AFG2A: variants seen among roughly 807,000 people sequenced by gnomAD.
AFG2A encodes the protein AAA ATPase AFG2A, also known as ATPase family gene 2 protein homolog A.
At chr4:123,143,831 C>CTTTTTT in the AFG2A span, among the ~76,000 whole-genome samples, 1 of 133,608 alleles carries the variant, frequency 7.5e-6, no homozygotes, top group African/African-American at 2.8e-5. Flanking sequence ...ACTTCTCTCT[C>CTTTTTT]TTTTTTTTTT....
the AFG2A span, among the ~76,000 whole-genome samples, chr4:123,096,401 A>G: frequency 3.9e-5 from 6 of 152,150 alleles, 1 homozygote. Context: ...CCCAAATAAT[A>G]GTTAAATGCC....
the AFG2A span, among the ~76,000 whole-genome samples, chr4:123,224,366 C>G: frequency 2.0e-5 from 3 of 152,076 alleles, no homozygotes; most frequent in East Asian, 1.9e-4. Context: ...CACCCTCCCC[C>G]CATCCCACAA....
At chr4:123,061,301 T>C in the AFG2A span, among the ~76,000 whole-genome samples, 1 of 152,194 alleles carries the variant, frequency 6.6e-6, no homozygotes, top group Non-Finnish European at 1.5e-5. Context: ...AGCACCCCAC[T>C]CTACCGTTAC....
At chr4:123,046,253 T>G in the AFG2A span, among the ~76,000 whole-genome samples, 1 of 152,212 alleles carries the variant, frequency 6.6e-6, no homozygotes, top group Non-Finnish European at 1.5e-5. Flanking sequence ...GTTGCACCAG[T>G]TTGGCTAGCA....
At chr4:123,041,995 G>T in the AFG2A span, among the ~76,000 whole-genome samples, 1 of 152,120 alleles carries the variant, frequency 6.6e-6, no homozygotes, top group African/African-American at 2.4e-5. Flanking sequence ...GTGGAAGCTG[G>T]ATTCTGTCAG....
the AFG2A span, among the ~76,000 whole-genome samples, chr4:123,077,120 T>C: frequency 6.8e-6 from 1 of 147,672 alleles, no homozygotes; most frequent in Non-Finnish European, 1.5e-5. Context: ...CGATCTCAGC[T>C]CACTGCAAGC....
the AFG2A span, among the ~76,000 whole-genome samples, chr4:123,161,434 G>C: frequency 2.6e-5 from 4 of 152,090 alleles, no homozygotes; most frequent in Admixed American, 6.6e-5. Context: ...ACTAAGTCTT[G>C]GGGAAGAAAG....
chr4:122,987,738 C>T, the AFG2A span, among the ~76,000 whole-genome samples: 1 of 152,118 alleles, frequency 6.6e-6, no homozygotes, highest in African/African-American at 2.4e-5. Flanking sequence ...TTACTGATGT[C>T]ACGTTTTGCA....
the AFG2A span, among the ~76,000 whole-genome samples, chr4:122,990,802 T>G: frequency 2.0e-5 from 3 of 152,342 alleles, no homozygotes; most frequent in Admixed American, 1.3e-4. Context: ...TTGCGCAGAC[T>G]GGTCTGGAAC....
At chr4:123,253,094 C>T in the AFG2A span, among the ~76,000 whole-genome samples, 3 of 152,182 alleles carry the variant, frequency 2.0e-5, no homozygotes, top group Non-Finnish European at 4.4e-5. Context: ...AATCTCAGCA[C>T]TTTGGGAGGC....
the AFG2A span, among the ~76,000 whole-genome samples, chr4:123,088,714 G>C: frequency 1.3e-5 from 2 of 151,854 alleles, no homozygotes; most frequent in Non-Finnish European, 2.9e-5. Flanking sequence ...TTCCCCCTTC[G>C]TGCTCTCTCT....
At chr4:123,275,431 C>A in the AFG2A span, among the ~76,000 whole-genome samples, 1 of 152,132 alleles carries the variant, frequency 6.6e-6, no homozygotes, top group East Asian at 1.9e-4. Context: ...AGTCCTATGG[C>A]AGTCCAGCTT....
chr4:123,173,340 G>GTTTTTTTT, the AFG2A span, among the ~76,000 whole-genome samples: 36 of 70,302 alleles, frequency 5.1e-4, no homozygotes, highest in African/African-American at 1.0e-3. Context: ...AAGTCCAATG[G>GTTTTTTTT]TTTTTTTTTT....
At chr4:123,254,186 A>G in the AFG2A span, among the ~76,000 whole-genome samples, 1 of 152,252 alleles carries the variant, frequency 6.6e-6, no homozygotes, top group East Asian at 1.9e-4. Flanking sequence ...TACCTTTTGA[A>G]GAGAAATTTT....
chr4:122,944,781 T>C, the AFG2A span, among the ~76,000 whole-genome samples: 2 of 152,088 alleles, frequency 1.3e-5, no homozygotes, highest in Non-Finnish European at 2.9e-5. Context: ...CTTTGTTTGG[T>C]CTTTGATGAT....
chr4:123,270,926 C>T, the AFG2A span, among the ~76,000 whole-genome samples: 3 of 152,320 alleles, frequency 2.0e-5, no homozygotes, highest in East Asian at 3.9e-4. Flanking sequence ...AGGCCAGCTA[C>T]GTTTAGAAAT....
the AFG2A span, among the ~76,000 whole-genome samples, chr4:123,290,089 TG>T: frequency 6.6e-6 from 1 of 152,186 alleles, no homozygotes; most frequent in Non-Finnish European, 1.5e-5. Flanking sequence ...TTGTAAATTC[TG>T]GGTATCAGTC....
chr4:122,935,387 T>G, the AFG2A span, among the ~76,000 whole-genome samples: 1 of 152,154 alleles, frequency 6.6e-6, no homozygotes, highest in Non-Finnish European at 1.5e-5. Context: ...ATTGGTGGCT[T>G]GTCTACCTGT....
chr4:123,048,222 C>T, the AFG2A span, among the ~76,000 whole-genome samples: 1 of 152,004 alleles, frequency 6.6e-6, no homozygotes, highest in Non-Finnish European at 1.5e-5. Flanking sequence ...GGTCTGTGTG[C>T]CTGTTTTTAT....
Sources: gnomAD v4.1 joint callset for allele counts (sites outside exome capture counted in the v4.1 genomes callset) on GRCh38, gnomAD v4.1.1 for gene constraint, MANE v1.5 for transcripts, NCBI Gene and HGNC (gene_info 2026-07-23, HGNC 2026-07-21) for gene names.